Variants in PDPN observed in about 807,000 individuals in gnomAD.
PDPN encodes the protein podoplanin, also known as PA2.26 antigen.
In PDPN, 12 loss-of-function variants were observed where a neutral mutation model predicts 23.2. The ratio of observed to expected loss-of-function variants is 0.52; its 90% confidence interval spans 0.33 to 0.84. The LOEUF is 0.84. PDPN is among the 40% of genes least tolerant of loss of function. The pLI is 0.02. For synonymous variants in PDPN, 77 were observed against 76.7 expected, an observed-to-expected ratio of 1.00 and a Z score of -0.02; for missense variants, 199 against 212.2, an observed-to-expected ratio of 0.94 and a Z score of 0.39.
intron 1 of PDPN, among the ~76,000 whole-genome samples, chr1:13,589,885 T>C (rs1640291330): frequency 6.6e-6 from 1 of 152,202 alleles, no homozygotes; most frequent in Non-Finnish European, 1.5e-5. Context: ...TGGAGTGCAG[T>C]GGTGCGATCC....
At chr1:13,613,960 T>C (rs941097983) in intron 4 of PDPN, among the ~76,000 whole-genome samples, 1 of 151,374 alleles carries the variant, frequency 6.6e-6, no homozygotes, top group African/African-American at 2.4e-5. Context: ...TCCCTTAATG[T>C]CAGATATGGG....
At chr1:13,612,137 C>CT (rs1399337885) in intron 3 of PDPN, among the ~76,000 whole-genome samples, 2 of 151,972 alleles carry the variant, frequency 1.3e-5, no homozygotes, top group East Asian at 3.9e-4. Context: ...AAAATTGTGA[C>CT]TGAGTGCACA....
chr1:13,602,841 T>TA (rs1186965032), intron 1 of PDPN, among the ~76,000 whole-genome samples: 1 of 152,062 alleles, frequency 6.6e-6, no homozygotes, highest in African/African-American at 2.4e-5. Context: ...GTGCTGGGAT[T>TA]ACAGGCGTGA....
At chr1:13,590,874 C>A (rs1433871781) in intron 1 of PDPN, among the ~76,000 whole-genome samples, 1 of 45,438 alleles carries the variant, frequency 2.2e-5, no homozygotes, top group Non-Finnish European at 4.2e-5. Flanking sequence ...GGTGGAGGGG[C>A]GGGTGGGGGT....
chr1:13,601,512 C>T (rs114016257), intron 1 of PDPN, among the ~76,000 whole-genome samples: 1 of 152,270 alleles, frequency 6.6e-6, no homozygotes, highest in Non-Finnish European at 1.5e-5. Context: ...ATGTGCTATC[C>T]TGCCTACTTA....
chr1:13,584,341 G>A (rs1640119444), intron 1 of PDPN: 15 of 1,482,862 alleles, frequency 1.0e-5, no homozygotes, highest in Admixed American at 2.1e-5. Context: ...CAGGCTGCGA[G>A]GTGGGCAGCA....
chr1:13,595,439 A>G (rs2885134), intron 1 of PDPN, among the ~76,000 whole-genome samples: 4,136 of 150,062 alleles, frequency 0.028, 104 homozygotes, highest in Middle Eastern at 0.088. Context: ...CAGAGGGGAC[A>G]CCTCCCCCCC....
chr1:13,584,970 C>G (rs938270809), intron 1 of PDPN, among the ~76,000 whole-genome samples: 1 of 152,142 alleles, frequency 6.6e-6, no homozygotes, highest in Non-Finnish European at 1.5e-5. Flanking sequence ...ATTTTGTTTT[C>G]TTTTCTTGGG....
Position 13,610,469 on chromosome 1 carries a change from A to G in PDPN, c.284A>G (p.Gln95Arg), listed in dbSNP as rs1413911794. 26 of 1,613,994 alleles carry G rather than the reference A, an allele frequency of 1.6e-5. No individual in the cohort carries two copies. The highest frequency in any genetic ancestry group is 2.2e-5 in the Non-Finnish European group (26 of 1,179,972). The change falls in exon 3 of 6, where the codon CAA becomes CGA. Residue 95 changes from glutamine (Q) to arginine (R), a missense_variant. Physicochemically the swap from Gln to Arg is conservative, Grantham distance 43 (BLOSUM62 1). Coordinates refer to ENST00000621990, the MANE Select transcript of PDPN (RefSeq NM_006474.5). ...GAAAGCACAGTCCACGCGCAAGAAC[A>G]AAGTCCAAGCGCCACAGCCTCAAAC... ...TSESTVHAQE[Q>R]SPSATASNVA... is the part of the protein sequence containing the mutation.
At chr1:13,596,051 T>G (rs758987685) in intron 1 of PDPN, 4 of 350,162 alleles carry the variant, frequency 1.1e-5, no homozygotes, top group South Asian at 2.2e-5. Context: ...TACAAAAAAT[T>G]AGCTGGACAT....
chr1:13,594,268 A>G (rs1328597966), intron 1 of PDPN, among the ~76,000 whole-genome samples: 6 of 152,182 alleles, frequency 3.9e-5, no homozygotes, highest in African/African-American at 1.2e-4. Flanking sequence ...CAAATTCTAT[A>G]CTAGTTTAGA....
chr1:13,613,311 T>C (rs1640982139), intron 3 of PDPN, among the ~76,000 whole-genome samples: 1 of 152,184 alleles, frequency 6.6e-6, no homozygotes, highest in African/African-American at 2.4e-5. Flanking sequence ...TTCTCTGTGA[T>C]CTTGACATTG....
chr1:13,588,960 C>G (rs919653049), intron 1 of PDPN, among the ~76,000 whole-genome samples: 1 of 152,034 alleles, frequency 6.6e-6, no homozygotes, highest in Non-Finnish European at 1.5e-5. Context: ...CCACCATACC[C>G]GGCCAACAAT....
At chr1:13,606,770 T>C (rs539640257) in intron 1 of PDPN, among the ~76,000 whole-genome samples, 1 of 152,366 alleles carries the variant, frequency 6.6e-6, no homozygotes, top group African/African-American at 2.4e-5. Context: ...TTTAGAAATC[T>C]TTCCTGTTGA....
At chr1:13,600,335 C>T (rs190448607) in intron 1 of PDPN, among the ~76,000 whole-genome samples, 15 of 151,010 alleles carry the variant, frequency 9.9e-5, no homozygotes, top group African/African-American at 3.2e-4. Context: ...GCTTTGTGTC[C>T]GCTAATGAAT....
Position 13,615,895 on chromosome 1 carries a change from A to G in PDPN, c.483-10A>G, listed in dbSNP as rs944665526. On this transcript the variant is annotated splice_polypyrimidine_tract_variant and intron_variant, in intron 5 of 5. Coordinates refer to ENST00000621990, the MANE Select transcript of PDPN (RefSeq NM_006474.5). ...AGAGACACGACCGTCACCCTTCTCT[A>G]TTTTCACAGGCCCTAAAGAGCTGAA... 4 of 1,612,994 alleles carry G rather than the reference A, an allele frequency of 2.5e-6. No homozygotes were observed. The highest frequency in any genetic ancestry group is 1.1e-5 in the South Asian group (1 of 91,052).
At chr1:13,596,821 C>G (rs1457063467) in intron 1 of PDPN, among the ~76,000 whole-genome samples, 1 of 152,144 alleles carries the variant, frequency 6.6e-6, no homozygotes, top group Non-Finnish European at 1.5e-5. Context: ...GAACCCACTT[C>G]AGGTTGACTG....
intron 3 of PDPN, among the ~76,000 whole-genome samples, chr1:13,612,293 A>G (rs3820304): frequency 0.25 from 38,450 of 152,168 alleles, 6,043 homozygotes; most frequent in Admixed American, 0.39. Flanking sequence ...TGACGTGCAC[A>G]TGTATGATGC....
At chr1:13,590,311 T>C (rs1640306035) in intron 1 of PDPN, among the ~76,000 whole-genome samples, 1 of 152,236 alleles carries the variant, frequency 6.6e-6, no homozygotes, top group South Asian at 2.1e-4. Flanking sequence ...TATGCTGTGA[T>C]TGTAGCTTGC....
Sources: allele counts gnomAD v4.1 joint callset (sites outside exome capture counted in the v4.1 genomes callset), GRCh38; gene constraint gnomAD v4.1.1; transcripts MANE v1.5; gene names NCBI Gene and HGNC (gene_info 2026-07-23, HGNC 2026-07-21).